The following IQSEC3 variants were observed in gnomAD, a reference collection of about 807,000 sequenced individuals.
The protein encoded by IQSEC3 is IQ motif and Sec7 domain ArfGEF 3.
A neutral mutation model predicts 105.4 loss-of-function variants in IQSEC3; 50 were observed. The observed-to-expected ratio is 0.47, with a 90% CI of 0.38 to 0.60. IQSEC3 has a LOEUF of 0.60. Ranked by LOEUF, IQSEC3 falls within the 20% of genes least tolerant of loss-of-function variation. IQSEC3 has a pLI of 0.00. For synonymous variants in IQSEC3, 708 were observed against 746.0 expected (o/e 0.95, Z 0.83); for missense variants, 1,415 against 1,630.0 (o/e 0.87, Z 2.27).
At chr12:123,937 G>A (rs1430778799) in intron 2 of IQSEC3, among the ~76,000 whole-genome samples, 1 of 152,150 alleles carries the variant, frequency 6.6e-6, no homozygotes, top group African/African-American at 2.4e-5. Flanking sequence ...ACTGTCCACT[G>A]TAGAGCCATC....
chr12:73,894 T>G (rs1324599359), intron 1 of IQSEC3, among the ~76,000 whole-genome samples: 1 of 152,260 alleles, frequency 6.6e-6, no homozygotes, highest in East Asian at 1.9e-4. Context: ...CCACCATCCC[T>G]CTGTGATCTG....
intron 13 of IQSEC3, among the ~76,000 whole-genome samples, chr12:172,581 G>A (rs1274063033): frequency 1.3e-5 from 2 of 152,140 alleles, no homozygotes; most frequent in African/African-American, 4.8e-5. Context: ...GGGCAGCCTC[G>A]CCTCCCACGG....
At chr12:115,823 C>A (rs1865030023) in intron 2 of IQSEC3, among the ~76,000 whole-genome samples, 1 of 152,080 alleles carries the variant, frequency 6.6e-6, no homozygotes, top group Non-Finnish European at 1.5e-5. Context: ...GCCCTTGTTA[C>A]CCTCTGGTAA....
chr12:112,846 C>G (rs1277677612), intron 2 of IQSEC3, among the ~76,000 whole-genome samples: 10 of 152,116 alleles, frequency 6.6e-5, no homozygotes, highest in Non-Finnish European at 1.2e-4. Flanking sequence ...AAGGGAAGCC[C>G]TCTGTAGGCC....
At chr12:157,415 G>T in intron 6 of IQSEC3, 113 bp from the exon 7 acceptor site, 1 of 1,254,768 alleles carries the variant, frequency 8.0e-7, no homozygotes, top group South Asian at 1.5e-5. Context: ...GGTCTCCCTG[G>T]ACCTAAAGCC....
chr12:165,686 C>T, intron 10 of IQSEC3, 43 bp from the exon 11 acceptor site: 37 of 1,606,894 alleles, frequency 2.3e-5, no homozygotes, highest in Non-Finnish European at 3.1e-5. Flanking sequence ...CCCTCGGCTG[C>T]TGCTGCTCAC....
rs1037629381 is a variant in IQSEC3 at position 178,215 on chromosome 12, C to CTAG, written c.*3183_*3185dup. The stretch of plus-strand genomic sequence containing the variant: ...CCCGCCAGGAGTCTCTTTGTACCCA[C>CTAG]TAGGCTTCCCTGATGACCATCTGTC... On this transcript the variant is annotated 3_prime_UTR_variant, in exon 14 of 14. Transcript: ENST00000538872. 2 of 152,188 alleles carry CTAG rather than the reference C, an allele frequency of 1.3e-5. No individual in the cohort carries two copies. The highest frequency in any genetic ancestry group is 4.8e-5 in the African/African-American group (2 of 41,376). 9.4% of individuals were successfully genotyped at this position (152,188 alleles called of 1,614,324 possible). A position where few individuals can be genotyped will look rare whatever the true frequency, so the allele number is the denominator to read the frequency against.
chr12:109,395 C>T (rs1864796353), intron 2 of IQSEC3, among the ~76,000 whole-genome samples: 1 of 151,940 alleles, frequency 6.6e-6, no homozygotes, highest in African/African-American at 2.4e-5. Flanking sequence ...CTTATGTAGC[C>T]CCCCGGCCTC....
At chr12:173,535 C>G (rs1459147314) in intron 13 of IQSEC3, among the ~76,000 whole-genome samples, 1 of 152,154 alleles carries the variant, frequency 6.6e-6, no homozygotes, top group African/African-American at 2.4e-5. Flanking sequence ...GATGAGGTAC[C>G]TCCCCTGCAG....
At chr12:172,475 C>G (rs1297169001) in intron 13 of IQSEC3, among the ~76,000 whole-genome samples, 4 of 152,182 alleles carry the variant, frequency 2.6e-5, no homozygotes, top group African/African-American at 9.7e-5. Flanking sequence ...CAACCCCACG[C>G]ACTCCTCCCT....
At chr12:144,654 T>A (rs1866188436) in intron 5 of IQSEC3, 1 of 152,228 alleles carries the variant, frequency 6.6e-6, no homozygotes, top group Non-Finnish European at 1.5e-5. Context: ...CTGTGACATT[T>A]GCTTTCAGAA....
chr12:124,430 CT>C (rs1236365424), intron 2 of IQSEC3, among the ~76,000 whole-genome samples: 4 of 151,310 alleles, frequency 2.6e-5, no homozygotes, highest in Non-Finnish European at 5.9e-5. Flanking sequence ...AGTTTATTTA[CT>C]GAGCACATAC....
chr12:162,655 TG>T (rs1339050897), intron 8 of IQSEC3, among the ~76,000 whole-genome samples: 3 of 152,178 alleles, frequency 2.0e-5, no homozygotes, highest in African/African-American at 7.2e-5. Flanking sequence ...TCTGAGGCCC[TG>T]CACTGGGCTC....
intron 1 of IQSEC3, among the ~76,000 whole-genome samples, chr12:87,151 T>A (rs1863943153): frequency 6.6e-6 from 1 of 152,096 alleles, no homozygotes; most frequent in South Asian, 2.1e-4. Flanking sequence ...GGGGACAGCT[T>A]TTTTCTGTTC....
rs147804676 is a variant in IQSEC3 at position 129,800 on chromosome 12, A to G, written c.903+3888A>G. Among the ~76,000 whole-genome samples, 172 of 152,172 alleles carry G rather than the reference A, an allele frequency of 1.1e-3. 2 individuals carry two copies. The highest frequency in any genetic ancestry group is 4.1e-3 in the African/African-American group (169 of 41,514). On this transcript the variant is annotated intron_variant, in intron 3 of 13. Transcript: ENST00000538872. ...CCGAGCCGGGTCCTGGACAGAAGCC[A>G]TGTTCTGCTGGAGAGCAGCCCCTCC...
At chr12:94,475 G>A (rs115574455) in intron 1 of IQSEC3, among the ~76,000 whole-genome samples, 4 of 152,332 alleles carry the variant, frequency 2.6e-5, no homozygotes, top group Admixed American at 6.5e-5. Flanking sequence ...GACAAGAAGG[G>A]TTCTGGCCTA....
chr12:126,843 C>T (rs1313997463), intron 3 of IQSEC3, among the ~76,000 whole-genome samples: 2 of 152,208 alleles, frequency 1.3e-5, no homozygotes, highest in Non-Finnish European at 2.9e-5. Flanking sequence ...AGAAAGGAAG[C>T]TAGTGGGAAG....
intron 11 of IQSEC3, 165 bp downstream of exon 11, chr12:166,055 C>T (rs782304376): frequency 3.7e-5 from 25 of 679,244 alleles, no homozygotes; most frequent in African/African-American, 7.2e-5. Context: ...GTGGGAGCAC[C>T]GGTTCCCATG....
chr12:126,586 G>T (rs1591687326), intron 3 of IQSEC3, among the ~76,000 whole-genome samples: 1 of 126,304 alleles, frequency 7.9e-6, no homozygotes, highest in African/African-American at 2.9e-5. Context: ...CTTAGAGAAA[G>T]GTGTGATGGT....
Sources: gnomAD v4.1 joint callset for allele counts (sites outside exome capture counted in the v4.1 genomes callset) on GRCh38, gnomAD v4.1.1 for gene constraint, MANE v1.5 for transcripts, NCBI Gene and HGNC (gene_info 2026-07-23, HGNC 2026-07-21) for gene names.